Variants in ABCB11 observed in about 807,000 individuals in gnomAD.
ABCB11 encodes ATP binding cassette subfamily B member 11.
In ABCB11, 95 loss-of-function variants were observed where a neutral mutation model predicts 148.0. That is an observed-to-expected ratio of 0.64 (90% CI 0.54 to 0.76). The LOEUF is 0.76. Among genes scored for constraint, ABCB11 ranks in the 30% least tolerant of loss-of-function variants. The probability of loss-of-function intolerance (pLI) is 0.00; values close to 1 mark genes in which losing one functional copy is unlikely to be tolerated. For missense variants in ABCB11, 1,523 were observed against 1,617.8 expected (o/e 0.94, Z 1.01); for synonymous variants, 591 against 555.4 (o/e 1.06, Z -0.90).
At chr2:168,926,887 A>G (rs1167476319) in intron 26 of ABCB11, among the ~76,000 whole-genome samples, 1 of 152,206 alleles carries the variant, frequency 6.6e-6, no homozygotes, top group African/African-American at 2.4e-5. Context: ...TACTTTATAC[A>G]CATAGCCCAG....
chr2:168,984,778 C>T (rs115542463), intron 10 of ABCB11, among the ~76,000 whole-genome samples: 3,334 of 152,138 alleles, frequency 0.022, 124 homozygotes, highest in African/African-American at 0.074. Flanking sequence ...AAATGTTTAG[C>T]ATCCCTTTAC....
At chr2:168,979,090 T>C (rs182089602) in intron 11 of ABCB11, among the ~76,000 whole-genome samples, 1 of 152,152 alleles carries the variant, frequency 6.6e-6, no homozygotes, top group Non-Finnish European at 1.5e-5. Context: ...AAATCCCTTT[T>C]TGCCATATTT....
chr2:168,970,188 C>T lies in ABCB11; in HGVS notation c.1666G>A (p.Gly556Arg). Residue 556 changes from glycine to arginine, a missense_variant, in exon 15 of 28, where the codon GGA (glycine) becomes AGA (arginine). By Grantham distance (125) the Gly-to-Arg change is moderately radical. Transcript: ENST00000650372. ...QQFDTLVGEG[G>R]GQMSGGQKQR... is the part of the protein sequence containing the mutation. ...TTCTGGCCACCACTCATCTGGCCTC[C>T]TCCTTCTCCAACAAGGGTGTCAAAT... 1 of 1,612,324 alleles carries T rather than the reference C, an allele frequency of 6.2e-7. No individual in the cohort carries two copies. Among genetic ancestry groups the T allele is most frequent in the Non-Finnish European group, 8.5e-7 (1 of 1,179,004 alleles).
Position 168,993,765 on chromosome 2 carries a change from C to T in ABCB11, c.729G>A (p.Leu243=), listed in dbSNP as rs895814774. ...TGAGAGGGCTGACAGAAATAATAACCAAGGTCAGTTTCCAACCCCTGAAAA... is the reference window on the plus strand; with the variant it reads ...TGAGAGGGCTGACAGAAATAATAACTAAGGTCAGTTTCCAACCCCTGAAAA... ...LGFFRGWKLT[L]VIISVSPLIG... Residue 243 remains leucine (L), a synonymous_variant, in exon 8 of 28, where the codon TTG becomes TTA. Transcript: ENST00000650372. 1.3e-5 allele frequency: 21 copies of T among 1,610,468 alleles called. No homozygotes were observed. Among genetic ancestry groups the T allele is most frequent in the Non-Finnish European group, 1.6e-5 (19 of 1,178,232 alleles).
intron 13 of ABCB11, 49 bp downstream of exon 13, chr2:168,973,666 T>C (rs1693692293): frequency 1.9e-6 from 3 of 1,599,882 alleles, no homozygotes; most frequent in Non-Finnish European, 2.6e-6. Flanking sequence ...ATACTGCCAT[T>C]TGCACTTTAC....
intron 21 of ABCB11, among the ~76,000 whole-genome samples, chr2:168,940,790 G>T (rs1692028308): frequency 6.6e-6 from 1 of 151,948 alleles, no homozygotes; most frequent in African/African-American, 2.4e-5. Flanking sequence ...TCTTGTTAGG[G>T]GATAATGCAG....
chr2:168,935,297 G>T lies in ABCB11; in HGVS notation c.2943C>A (p.Tyr981Ter). The T allele has an allele frequency of 6.2e-7, 1 of 1,613,962 alleles. No individual in the cohort carries two copies. The highest frequency in any genetic ancestry group is 8.5e-7 in the Non-Finnish European group (1 of 1,179,886). Residue 981 changes from tyrosine (Y) to a stop codon, truncating the protein, a stop_gained, in exon 23 of 28, where the codon TAC (tyrosine) becomes TAA (stop). Coordinates refer to ENST00000650372, the MANE Select transcript of ABCB11 (RefSeq NM_003742.4). LOFTEE classifies it high-confidence loss of function. Reference protein sequence around the residue: ...FKTAIQKANIYGFCFAFAQCI... With the variant: ...FKTAIQKANI ...ACTGGGCAAAGGCAAAGCAGAATCCGTAAATATTGGCTTTCTGAATGGCTG... is the reference window on the plus strand; with the variant it reads ...ACTGGGCAAAGGCAAAGCAGAATCCTTAAATATTGGCTTTCTGAATGGCTG...
At chr2:169,024,555 A>G (rs553690596) in intron 1 of ABCB11, among the ~76,000 whole-genome samples, 4 of 79,272 alleles carry the variant, frequency 5.0e-5, no homozygotes, top group Non-Finnish European at 1.3e-4. Context: ...TAACGTACCA[A>G]TGTGCACTGT....
At chr2:168,969,699 G>T in intron 15 of ABCB11, 148 bp from the exon 16 acceptor site, 1 of 782,996 alleles carries the variant, frequency 1.3e-6, no homozygotes, top group Non-Finnish European at 2.0e-6. Flanking sequence ...GAAAAGGCCA[G>T]CACATTTTCT....
At chr2:169,007,637 C>T (rs931979674) in intron 5 of ABCB11, among the ~76,000 whole-genome samples, 6 of 152,172 alleles carry the variant, frequency 3.9e-5, no homozygotes, top group African/African-American at 1.4e-4. Context: ...TTAGATATGA[C>T]ACCAATTCAG....
intron 14 of ABCB11, among the ~76,000 whole-genome samples, chr2:168,971,030 AT>A (rs539929735): frequency 2.0e-3 from 311 of 152,154 alleles, no homozygotes; most frequent in Middle Eastern, 3.4e-3. Context: ...CATAAAGAGA[AT>A]TTAGAAGGCT....
At chr2:168,971,106 T>G (rs577279946) in intron 14 of ABCB11, among the ~76,000 whole-genome samples, 1 of 100,050 alleles carries the variant, frequency 1.0e-5, no homozygotes, top group South Asian at 3.2e-4. Flanking sequence ...GAACCTTGTC[T>G]TTACCATTTA....
At chr2:168,993,043 C>T (rs1163759836) in intron 8 of ABCB11, among the ~76,000 whole-genome samples, 1 of 151,832 alleles carries the variant, frequency 6.6e-6, no homozygotes, top group Non-Finnish European at 1.5e-5. Flanking sequence ...ATTCCTATTC[C>T]TATATGTTGT....
intron 18 of ABCB11, among the ~76,000 whole-genome samples, chr2:168,962,964 T>C (rs987360966): frequency 2.0e-5 from 3 of 151,758 alleles, no homozygotes; most frequent in Admixed American, 6.6e-5. Context: ...TCAGTATTAA[T>C]ACATTAAAAA....
intron 5 of ABCB11, among the ~76,000 whole-genome samples, chr2:168,999,521 C>A (rs866167100): frequency 2.6e-5 from 4 of 152,072 alleles, no homozygotes; most frequent in African/African-American, 9.7e-5. Context: ...CAGCTACAAC[C>A]AGTCTGTTTT....
intron 21 of ABCB11, among the ~76,000 whole-genome samples, chr2:168,937,477 G>T (rs1358353183): frequency 6.6e-6 from 1 of 152,120 alleles, no homozygotes; most frequent in African/African-American, 2.4e-5. Context: ...TCTGAAGGCT[G>T]AATTAATTAA....
intron 10 of ABCB11, among the ~76,000 whole-genome samples, chr2:168,981,446 G>C (rs1014406776): frequency 6.6e-6 from 1 of 151,970 alleles, no homozygotes; most frequent in Non-Finnish European, 1.5e-5. Flanking sequence ...TGCAACACAG[G>C]GATAATGATA....
At position 168,986,061 on chromosome 2, in the gene ABCB11, T is replaced by G. The variant is rs761611494; in HGVS notation, c.1083+49A>C. The G allele has an allele frequency of 2.9e-6, 4 of 1,382,396 alleles. No homozygotes were observed. In the East Asian group the frequency reaches 7.4e-5, roughly 26 times the overall value. 85.6% of individuals were successfully genotyped at this position (1,382,396 alleles called of 1,614,324 possible). A position where few individuals can be genotyped will look rare whatever the true frequency, so the allele number is the denominator to read the frequency against. ...AAAATATCTAATCCATGGACTTTTC[T>G]GAGATACCAGAAGGAAATGCTATGT... On this transcript the variant is annotated intron_variant, in intron 10 of 27. Transcript: ENST00000650372.
rs1192578960 is a variant in ABCB11, at chr2:168,986,221, G to T, written c.972C>A (p.Phe324Leu). 6.2e-7 allele frequency: 1 copy of T among 1,613,400 alleles called. No homozygotes were observed. The highest frequency in any genetic ancestry group is 8.5e-7 in the Non-Finnish European group (1 of 1,179,622). The change falls in exon 10 of 28, where the codon TTC becomes TTA. Residue 324 changes from phenylalanine (F) to leucine (L), a missense_variant. Transcript: ENST00000650372. ...WGIRKGIVMG[F>L]FTGFVWCLIF... ...TGAGACACCACACGAATCCAGTAAA[G>T]AATCCCATCACTATTCCTTTTCTAA...
Sources: gnomAD v4.1 joint callset for allele counts (sites outside exome capture counted in the v4.1 genomes callset) on GRCh38, gnomAD v4.1.1 for gene constraint, MANE v1.5 for transcripts, NCBI Gene and HGNC (gene_info 2026-07-23, HGNC 2026-07-21) for gene names.